TSHZ2: variants seen among roughly 807,000 people sequenced by gnomAD.
TSHZ2 encodes teashirt zinc finger homeobox 2.
Under a neutral mutation model 74.4 loss-of-function variants are expected in TSHZ2, and 21 were observed. The ratio of observed to expected loss-of-function variants is 0.28; its 90% CI spans 0.20 to 0.41. TSHZ2 has a LOEUF of 0.41. Among genes scored for constraint, TSHZ2 ranks in the 10% least tolerant of loss-of-function variants. The probability of loss-of-function intolerance (pLI) is 1.00; values close to 1 mark genes in which losing one functional copy is unlikely to be tolerated. For synonymous variants in TSHZ2, 540 were observed against 515.3 expected, an observed-to-expected ratio of 1.05 and a Z score of -0.65; for missense variants, 1,244 against 1,293.5, an observed-to-expected ratio of 0.96 and a Z score of 0.59.
At chr20:53,025,253 A>G (rs1485818872) in intron 1 of TSHZ2, among the ~76,000 whole-genome samples, 1 of 152,068 alleles carries the variant, frequency 6.6e-6, no homozygotes, top group Non-Finnish European at 1.5e-5. Flanking sequence ...ATTTTTTTAA[A>G]CATTTTATAG....
At chr20:53,042,936 A>G (rs779998970) in intron 1 of TSHZ2, among the ~76,000 whole-genome samples, 8 of 152,178 alleles carry the variant, frequency 5.3e-5, no homozygotes, top group Admixed American at 1.3e-4. Context: ...TTAAATGTCC[A>G]TCACTAAAAA....
intron 2 of TSHZ2, among the ~76,000 whole-genome samples, chr20:53,441,059 T>G (rs1984293528): frequency 6.6e-6 from 1 of 152,164 alleles, no homozygotes; most frequent in South Asian, 2.1e-4. Context: ...CAGGCTGCTC[T>G]GGATTGGGTG....
chr20:53,314,213 G>T (rs1180176299), intron 2 of TSHZ2, among the ~76,000 whole-genome samples: 1 of 151,838 alleles, frequency 6.6e-6, no homozygotes, highest in African/African-American at 2.4e-5. Context: ...GCTTGAACCT[G>T]GGAGGCGGTG....
intron 2 of TSHZ2, among the ~76,000 whole-genome samples, chr20:53,302,546 C>G (rs1423033613): frequency 6.6e-6 from 1 of 152,144 alleles, no homozygotes; most frequent in Non-Finnish European, 1.5e-5. Context: ...GTCTTTCTAA[C>G]CGTGTGTGGG....
intron 2 of TSHZ2, among the ~76,000 whole-genome samples, chr20:53,332,771 G>A (rs184081832): frequency 1.1e-4 from 16 of 152,290 alleles, no homozygotes; most frequent in African/African-American, 3.4e-4. Context: ...TGCAAGATGA[G>A]AAGGCGCAGA....
rs906710684 is a variant in TSHZ2 at position 53,494,985 on chromosome 20, G to C, written c.*7850G>C. 1 of 152,126 alleles carries C rather than the reference G, an allele frequency of 6.6e-6. No homozygotes were observed. The highest frequency in any genetic ancestry group is 1.5e-5 in the Non-Finnish European group (1 of 68,034). The allele number at this position is 152,126 out of a possible 1,614,324, so 9.4% of individuals were successfully genotyped here. A position where few individuals can be genotyped will look rare whatever the true frequency, so the allele number is the denominator to read the frequency against. On this transcript the variant is annotated 3_prime_UTR_variant, in exon 3 of 3. Coordinates refer to ENST00000371497, the MANE Select transcript of TSHZ2 (RefSeq NM_173485.6). ...TTCAATTATGATTTTGCTGGAGGCTGTCCCTCATTTTAATGCTGCAGCTAT... is the reference window on the plus strand; with the variant it reads ...TTCAATTATGATTTTGCTGGAGGCTCTCCCTCATTTTAATGCTGCAGCTAT...
chr20:53,021,945 CTTCT>C (rs1229608388), intron 1 of TSHZ2, among the ~76,000 whole-genome samples: 1 of 152,020 alleles, frequency 6.6e-6, no homozygotes. Flanking sequence ...AAGTATTTTT[CTTCT>C]TTCTTCTTCC....
In TSHZ2 at chr20:53,256,304, T is replaced by G; in HGVS notation, c.2846T>G (p.Leu949Arg). The G allele has an allele frequency of 3.7e-6, 6 of 1,614,114 alleles. No individual in the cohort carries two copies. Among genetic ancestry groups the G allele is most frequent in the Non-Finnish European group, 5.1e-6 (6 of 1,179,962 alleles). ...TACATCAGTCACTTAGAATCTCACC[T>G]GGGTTTCCAAATGAAGGACATGACC... is the stretch of plus-strand genomic sequence containing the variant. Reference protein sequence around the residue: ...STYISHLESHLGFQMKDMTRL... With the variant: ...STYISHLESHRGFQMKDMTRL... The change falls in exon 2 of 3, where the codon CTG becomes CGG. Residue 949 changes from leucine (L) to arginine (R), a missense_variant. Coordinates refer to ENST00000371497, the MANE Select transcript of TSHZ2 (RefSeq NM_173485.6). This position sits in a 1 kb window ranked among gnomAD's most constrained non-coding sequence, Gnocchi z 4.3.
intron 2 of TSHZ2, among the ~76,000 whole-genome samples, chr20:53,484,307 G>C (rs1302919662): frequency 2.6e-5 from 4 of 151,948 alleles, no homozygotes; most frequent in East Asian, 1.9e-4. Context: ...AGAGTAGGAA[G>C]GACTAAATTT....
chr20:53,066,203 C>T (rs1264005358), intron 1 of TSHZ2, among the ~76,000 whole-genome samples: 1 of 152,152 alleles, frequency 6.6e-6, no homozygotes, highest in African/African-American at 2.4e-5. Flanking sequence ...ACCTCTTCTG[C>T]TCTTGAATCG....
At chr20:53,178,179 AC>A (rs1988389104) in intron 1 of TSHZ2, 1 of 152,036 alleles carries the variant, frequency 6.6e-6, no homozygotes, top group Admixed American at 6.6e-5. Context: ...TTCTGGAAGG[AC>A]CCTATCATCT....
At chr20:53,443,925 G>A (rs1016519611) in intron 2 of TSHZ2, among the ~76,000 whole-genome samples, 1 of 152,170 alleles carries the variant, frequency 6.6e-6, no homozygotes, top group African/African-American at 2.4e-5. Context: ...TGTTCCAAGG[G>A]CATTCGCAGA....
In TSHZ2 at chr20:53,298,352, G is replaced by C. The variant is rs77735872; in HGVS notation, c.*8+41781G>C. ...GAAAGGATACAAACCATCGCACTGG[G>C]TCTGAGAACAGTGAGAGAATCAGAT... On this transcript the variant is annotated intron_variant, in intron 2 of 2. Transcript: ENST00000371497. Among the ~76,000 whole-genome samples, 1,115 of 152,320 alleles carry C rather than the reference G, an allele frequency of 7.3e-3. 11 individuals carry two copies. The highest frequency in any genetic ancestry group is 0.025 in the African/African-American group (1,041 of 41,542).
At chr20:53,380,346 T>C (rs58947496) in intron 2 of TSHZ2, among the ~76,000 whole-genome samples, 1,949 of 152,298 alleles carry the variant, frequency 0.013, 30 homozygotes, top group African/African-American at 0.044. Context: ...AATAAAAATA[T>C]ACTCAATACA....
chr20:53,011,300 G>T (rs760865883), intron 1 of TSHZ2, among the ~76,000 whole-genome samples: 3 of 152,146 alleles, frequency 2.0e-5, no homozygotes, highest in Non-Finnish European at 2.9e-5. Context: ...ATCCTCTTTT[G>T]GTTCCAATTT....
intron 1 of TSHZ2, among the ~76,000 whole-genome samples, chr20:53,058,327 T>A (rs1984710163): frequency 6.6e-6 from 1 of 152,232 alleles, no homozygotes; most frequent in Admixed American, 6.5e-5. Flanking sequence ...CAACTTGAAT[T>A]CTGCCTGTCA....
intron 2 of TSHZ2, among the ~76,000 whole-genome samples, chr20:53,360,214 T>G (rs183144934): frequency 2.0e-5 from 3 of 152,320 alleles, no homozygotes; most frequent in Non-Finnish European, 2.9e-5. Context: ...ATCTAACATA[T>G]AAGACAGTGT....
At chr20:53,416,840 C>G (rs1343299785) in intron 2 of TSHZ2, among the ~76,000 whole-genome samples, 2 of 152,204 alleles carry the variant, frequency 1.3e-5, no homozygotes, top group Non-Finnish European at 2.9e-5. Context: ...GGATTGCATC[C>G]CCAAATGTGA....
At chr20:53,113,369 C>T (rs899027611) in intron 1 of TSHZ2, among the ~76,000 whole-genome samples, 13 of 152,136 alleles carry the variant, frequency 8.5e-5, no homozygotes, top group Admixed American at 6.5e-4. Flanking sequence ...AGCCCACTGC[C>T]GTTTATCTCC....
Sources: gnomAD v4.1 joint callset for allele counts (sites outside exome capture counted in the v4.1 genomes callset) on GRCh38, gnomAD v4.1.1 for gene constraint, Gnocchi (gnomAD v3.1) non-coding constraint, MANE v1.5 for transcripts, NCBI Gene and HGNC (gene_info 2026-07-23, HGNC 2026-07-21) for gene names.